Variants in FAM13A observed in about 807,000 individuals in gnomAD.
FAM13A encodes family with sequence similarity 13 member A.
A neutral mutation model predicts 129.6 loss-of-function variants in FAM13A; 76 were observed. That is an observed-to-expected ratio of 0.59 (90% confidence interval 0.49 to 0.71). FAM13A has a LOEUF of 0.71. Ranked by LOEUF, FAM13A falls within the 30% of genes least tolerant of loss-of-function variation. FAM13A has a pLI of 0.00. For missense variants in FAM13A, 1,108 were observed against 1,249.3 expected (o/e 0.89, Z 1.70); for synonymous variants, 443 against 449.9 (o/e 0.98, Z 0.20).
At chr4:88,926,196 C>T (rs984411075) in intron 5 of FAM13A, among the ~76,000 whole-genome samples, 3 of 152,130 alleles carry the variant, frequency 2.0e-5, no homozygotes, top group African/African-American at 7.2e-5. Context: ...AATTTACACC[C>T]CCACAGTTTT....
intron 6 of FAM13A, among the ~76,000 whole-genome samples, chr4:88,895,158 C>A (rs1377457957): frequency 6.6e-6 from 1 of 152,000 alleles, no homozygotes; most frequent in South Asian, 2.1e-4. Context: ...ATCATCATCA[C>A]CACTATTATT....
intron 6 of FAM13A, among the ~76,000 whole-genome samples, chr4:88,870,671 C>T (rs1018037342): frequency 2.0e-5 from 3 of 152,188 alleles, no homozygotes; most frequent in Non-Finnish European, 4.4e-5. Context: ...CCTGCCTCTG[C>T]AGACTCTACC....
Position 88,747,754 on chromosome 4 carries a change from T to C in FAM13A, c.2259A>G (p.Glu753=). 1.2e-6 allele frequency: 2 copies of C among 1,614,242 alleles called. No individual in the cohort carries two copies. The highest frequency in any genetic ancestry group is 1.7e-6 in the Non-Finnish European group (2 of 1,180,016). ...PKSFGSQLEK[E]DEKKQELVDK... ...CCACCAGCTCTTGCTTCTTCTCATC[T>C]TCTTTCTCAAGTTGGGAACCAAAAC... is the stretch of plus-strand genomic sequence containing the variant. Residue 753 remains glutamate (E), a synonymous_variant, in exon 18 of 24, where the codon GAA becomes GAG. Transcript: ENST00000264344.
intron 11 of FAM13A, among the ~76,000 whole-genome samples, chr4:88,776,681 T>G (rs1429552736): frequency 6.6e-6 from 1 of 152,104 alleles, no homozygotes; most frequent in Non-Finnish European, 1.5e-5. Flanking sequence ...TATTTAAGAT[T>G]ATGCACCTAG....
chr4:88,882,764 A>T (rs190713525), intron 6 of FAM13A, among the ~76,000 whole-genome samples: 1 of 152,280 alleles, frequency 6.6e-6, no homozygotes, highest in African/African-American at 2.4e-5. Flanking sequence ...TGCTATCTTC[A>T]AGAGACTCAC....
chr4:88,996,867 T>C (rs1290668818), intron 3 of FAM13A, among the ~76,000 whole-genome samples: 2 of 152,200 alleles, frequency 1.3e-5, no homozygotes, highest in Non-Finnish European at 2.9e-5. Flanking sequence ...CTCAAGACAT[T>C]GTTTTAAAGA....
At chr4:88,928,023 T>C (rs1174092809) in intron 5 of FAM13A, among the ~76,000 whole-genome samples, 1 of 152,126 alleles carries the variant, frequency 6.6e-6, no homozygotes, top group Non-Finnish European at 1.5e-5. Context: ...GTATCCTGTG[T>C]ATGGTGTGTT....
intron 5 of FAM13A, among the ~76,000 whole-genome samples, chr4:88,934,193 A>G (rs892290233): frequency 6.6e-6 from 1 of 152,168 alleles, no homozygotes; most frequent in Admixed American, 6.6e-5. Flanking sequence ...GCAAAGGCCA[A>G]TCCTCTACTT....
At chr4:89,022,545 A>G (rs1182267947) in intron 2 of FAM13A, among the ~76,000 whole-genome samples, 1 of 152,238 alleles carries the variant, frequency 6.6e-6, no homozygotes, top group Non-Finnish European at 1.5e-5. Context: ...TGGAAGAGAT[A>G]CCAGTTGGTC....
At position 89,056,931 on chromosome 4, in the gene FAM13A, T is replaced by TG; in HGVS notation, c.27+6_27+7insC. ...AACACAGAAGACAGAAGAAGGCCTA[T>TG]ACTTACACAGATGGCTAGAGCTCCT... On this transcript the variant is annotated splice_region_variant and intron_variant, in intron 1 of 23. Transcript: ENST00000264344. The TG allele has an allele frequency of 6.2e-7, 1 of 1,613,606 alleles. No homozygotes were observed. Among genetic ancestry groups the TG allele is most frequent in the East Asian group, 2.2e-5 (1 of 44,880 alleles).
chr4:88,797,966 A>G (rs986142208), intron 8 of FAM13A, among the ~76,000 whole-genome samples: 1 of 152,156 alleles, frequency 6.6e-6, no homozygotes, highest in African/African-American at 2.4e-5. Context: ...ATTTTTCTTC[A>G]TAGGTCCCAA....
At chr4:88,764,487 T>A (rs577461614) in intron 13 of FAM13A, among the ~76,000 whole-genome samples, 89 of 152,304 alleles carry the variant, frequency 5.8e-4, no homozygotes, top group African/African-American at 1.9e-3. Context: ...TCATAGAAAA[T>A]AGGGATTAAA....
At chr4:88,802,894 CCTTT>C (rs1253960716) in intron 8 of FAM13A, among the ~76,000 whole-genome samples, 1 of 152,172 alleles carries the variant, frequency 6.6e-6, no homozygotes, top group Admixed American at 6.5e-5. Flanking sequence ...TACCCTCCTT[CCTTT>C]GAGACTGGAG....
intron 6 of FAM13A, among the ~76,000 whole-genome samples, chr4:88,871,285 G>T (rs1039025454): frequency 5.3e-5 from 8 of 152,252 alleles, no homozygotes; most frequent in African/African-American, 1.9e-4. Flanking sequence ...AAGCTGGATG[G>T]AGAATGACTT....
intron 5 of FAM13A, among the ~76,000 whole-genome samples, chr4:88,923,521 C>G (rs1458286561): frequency 6.6e-6 from 1 of 152,184 alleles, no homozygotes; most frequent in African/African-American, 2.4e-5. Context: ...GCTAAAAACT[C>G]TCAATAAGTT....
chr4:88,805,125 T>C (rs1728308472), intron 7 of FAM13A, 73 bp from the exon 8 acceptor site: 2 of 832,854 alleles, frequency 2.4e-6, no homozygotes, highest in South Asian at 1.5e-5. Context: ...AAAAATGTTC[T>C]ACCTGTAAAA....
Position 88,750,582 on chromosome 4 carries a change from G to A in FAM13A, c.1782C>T (p.Ala594=). The A allele has an allele frequency of 6.2e-7, 1 of 1,614,126 alleles. No homozygotes were observed. Among genetic ancestry groups the A allele is most frequent in the Non-Finnish European group, 8.5e-7 (1 of 1,180,028 alleles). ...GGCGCCCAGCCTGCGGCGAGAGGTG[G>A]GCTTCATCAGAGTCACTGTTCTCCC... ...WQRENSDSDE[A]HLSPQAGRLI... The change falls in exon 15 of 24, where the codon GCC becomes GCT. Residue 594 remains alanine, a synonymous_variant. Coordinates refer to ENST00000264344, the MANE Select transcript of FAM13A (RefSeq NM_014883.4).
At chr4:89,025,801 C>A (rs868589534) in intron 2 of FAM13A, among the ~76,000 whole-genome samples, 2 of 152,026 alleles carry the variant, frequency 1.3e-5, no homozygotes, top group East Asian at 1.9e-4. Flanking sequence ...AACACACAGA[C>A]GCATACTTAT....
At chr4:88,786,962 G>A (rs1041839842) in intron 10 of FAM13A, among the ~76,000 whole-genome samples, 1 of 151,608 alleles carries the variant, frequency 6.6e-6, no homozygotes, top group Admixed American at 6.6e-5. Flanking sequence ...TTAATAAGGA[G>A]TCATTATTAA....
Sources: allele counts gnomAD v4.1 joint callset (sites outside exome capture counted in the v4.1 genomes callset), GRCh38; gene constraint gnomAD v4.1.1; transcripts MANE v1.5; gene names NCBI Gene and HGNC (gene_info 2026-07-23, HGNC 2026-07-21).